CCDC9: variants seen among roughly 807,000 people sequenced by gnomAD.
The protein encoded by CCDC9 is coiled-coil domain containing 9.
CCDC9 carries 52 observed loss-of-function variants against 65.6 expected under a neutral mutation model. That is an observed-to-expected ratio of 0.79 (90% CI 0.63 to 1.00). The LOEUF is 1.00. CCDC9 is among the 50% of genes least tolerant of loss of function. The pLI, the probability that CCDC9 is intolerant of heterozygous loss-of-function variation, is 0.00. For missense variants in CCDC9, 834 were observed against 757.2 expected, an observed-to-expected ratio of 1.10 and a Z score of -1.19; for synonymous variants, 332 against 280.3, an observed-to-expected ratio of 1.18 and a Z score of -1.84.
In CCDC9 at chr19:47,271,689, C is replaced by CTGTGTGTG. The variant is rs746173971; in HGVS notation, c.*48_*55dup. ...TTTGAGAGTGTATGAAGCTGGCTGC[C>CTGTGTGTG]TGTGTGTGTGTGTGTGTGTGTGTGT... is the stretch of plus-strand genomic sequence containing the variant. On this transcript the variant is annotated 3_prime_UTR_variant, in exon 12 of 12. Coordinates refer to ENST00000221922, the MANE Select transcript of CCDC9 (RefSeq NM_015603.3). 1,533 of 1,125,342 alleles carry CTGTGTGTG rather than the reference C, an allele frequency of 1.4e-3. 13 individuals are homozygous for CTGTGTGTG. Among genetic ancestry groups the CTGTGTGTG allele is most frequent in the South Asian group, 2.0e-3 (136 of 67,816 alleles). 69.7% of individuals were successfully genotyped at this position (1,125,342 alleles called of 1,614,324 possible).
At chr19:47,270,850 T>C (rs2059112108) in intron 10 of CCDC9, among the ~76,000 whole-genome samples, 162 bp downstream of exon 10, 1 of 152,102 alleles carries the variant, frequency 6.6e-6, no homozygotes, top group Non-Finnish European at 1.5e-5. Context: ...GGGATCTGGC[T>C]CTTGGTTTTA....
intron 3 of CCDC9, 116 bp downstream of exon 3, chr19:47,258,779 C>T: frequency 2.7e-6 from 2 of 732,362 alleles, no homozygotes; most frequent in South Asian, 1.6e-5. Flanking sequence ...AGGATAAAGG[C>T]CAAAGGCCTT....
chr19:47,271,646 C>G lies in CCDC9; in HGVS notation c.1564C>G (p.Pro522Ala), dbSNP rs1255904211. 1 of 1,603,442 alleles carries G rather than the reference C, an allele frequency of 6.2e-7. No individual in the cohort carries two copies. Among genetic ancestry groups the G allele is most frequent in the South Asian group, 1.1e-5 (1 of 90,614 alleles). Residue 522 changes from proline to alanine, a missense_variant, in exon 12 of 12, where the codon CCG becomes GCG. Pro to Ala is a conservative substitution (Grantham distance 27). Transcript: ENST00000221922. ...RTTHLAGALSPGEAWPFESV is the reference protein window; with the variant it reads ...RTTHLAGALSAGEAWPFESV ...CACTCACCTGGCTGGCGCCCTCTCC[C>G]CGGGTGAGGCCTGGCCTTTTGAGAG...
chr19:47,259,520 G>A (rs1286141800), intron 3 of CCDC9, among the ~76,000 whole-genome samples: 1 of 152,154 alleles, frequency 6.6e-6, no homozygotes. Context: ...TTACTGATGG[G>A]CAGTTCAGGG....
chr19:47,257,856 G>T (rs913597805), intron 1 of CCDC9: 5 of 160,480 alleles, frequency 3.1e-5, no homozygotes, highest in African/African-American at 1.2e-4. Context: ...ACCTTACCTG[G>T]TGGAGCTAGA....
chr19:47,268,926 A>G (rs1292584062), intron 8 of CCDC9, among the ~76,000 whole-genome samples: 1 of 151,362 alleles, frequency 6.6e-6, no homozygotes, highest in African/African-American at 2.4e-5. Context: ...TCAAAAAATA[A>G]TAATAATAAT....
At chr19:47,268,954 G>C (rs1007773349) in intron 8 of CCDC9, among the ~76,000 whole-genome samples, 2 of 151,624 alleles carry the variant, frequency 1.3e-5, no homozygotes, top group African/African-American at 4.9e-5. Context: ...ATGTGTGTCT[G>C]GGCCAGGCGT....
intron 5 of CCDC9, among the ~76,000 whole-genome samples, chr19:47,262,204 TTCC>T (rs2059050531): frequency 7.0e-6 from 1 of 141,958 alleles, no homozygotes. Flanking sequence ...GGGACCCAGG[TTCC>T]TGCTTTTTTT....
Position 47,258,619 on chromosome 19 carries a change from G to C in CCDC9, c.64G>C (p.Glu22Gln), listed in dbSNP as rs1411080671. 2 of 1,614,044 alleles carry C rather than the reference G, an allele frequency of 1.2e-6. No individual in the cohort carries two copies. Among genetic ancestry groups the C allele is most frequent in the Non-Finnish European group, 1.7e-6 (2 of 1,180,024 alleles). Residue 22 changes from glutamate (E) to glutamine (Q), a missense_variant, in exon 3 of 12, where the codon GAG becomes CAG. Glu to Gln is a conservative substitution (Grantham distance 29). Transcript: ENST00000221922. ...GGATGCTGAGTTGGACAAGAGGATC[G>C]AGGCTCTTCGGCGGAAGAATGAGGC... ...EKDAELDKRI[E>Q]ALRRKNEALI...
Position 47,260,609 on chromosome 19 carries a change from C to G in CCDC9, c.232C>G (p.Arg78Gly). ...VESEKNLGPSRRSPGTPRPPG... is the reference protein window; with the variant it reads ...VESEKNLGPSGRSPGTPRPPG... ...CCAGGAGAAGAACCTGGGTCCTTCCCGGAGGTCTCCTGGGACCCCTCGGCC... is the reference window on the plus strand; with the variant it reads ...CCAGGAGAAGAACCTGGGTCCTTCCGGGAGGTCTCCTGGGACCCCTCGGCC... Residue 78 changes from arginine to glycine, a missense_variant, in exon 5 of 12, where the codon CGG becomes GGG. Transcript: ENST00000221922. 6.5e-7 allele frequency: 1 copy of G among 1,527,030 alleles called. No individual in the cohort carries two copies. The highest frequency in any genetic ancestry group is 1.3e-5 in the South Asian group (1 of 77,720). The allele number at this position is 1,527,030 out of a possible 1,614,324, so 94.6% of individuals were successfully genotyped here.
downstream of CCDC9, chr19:47,273,726 A>C: frequency 2.8e-6 from 1 of 360,120 alleles, no homozygotes. Flanking sequence ...TTCAGGCCGA[A>C]TCTCCCGCCT....
rs1039288112 is a variant in CCDC9 at position 47,256,538 on chromosome 19, C to T, written c.-143C>T. ...CGTGGTGCAGGCAGGAAGTGACGCG[C>T]CTGGCCCGGGAGCTGCGGTCGCAGA... On this transcript the variant is annotated 5_prime_UTR_variant, in exon 1 of 12. Coordinates refer to ENST00000221922, the MANE Select transcript of CCDC9 (RefSeq NM_015603.3). The T allele has an allele frequency of 3.3e-5, 5 of 152,470 alleles. No homozygotes were observed. The highest frequency in any genetic ancestry group is 1.2e-4 in the African/African-American group (5 of 41,454). The allele number at this position is 152,470 out of a possible 1,614,324, so 9.4% of individuals were successfully genotyped here. A position where few individuals can be genotyped will look rare whatever the true frequency, so the allele number is the denominator to read the frequency against.
Position 47,260,769 on chromosome 19 carries a change from G to C in CCDC9, c.392G>C (p.Arg131Thr), listed in dbSNP as rs2123447551. The C allele has an allele frequency of 6.2e-7, 1 of 1,610,550 alleles. No individual in the cohort carries two copies. Among genetic ancestry groups the C allele is most frequent in the East Asian group, 2.2e-5 (1 of 44,768 alleles). Reference protein sequence around the residue: ...RGGGAGGRGRRGRGRGSPHLS... With the variant: ...RGGGAGGRGRTGRGRGSPHLS... ...GGAGGAGCTGGGGGCCGTGGCCGGAGGGGCCGGGGCCGAGGTTCACCTCAC... is the reference window on the plus strand; with the variant it reads ...GGAGGAGCTGGGGGCCGTGGCCGGACGGGCCGGGGCCGAGGTTCACCTCAC... The change falls in exon 5 of 12, where the codon AGG becomes ACG. Residue 131 changes from arginine to threonine, a missense_variant. Coordinates refer to ENST00000221922, the MANE Select transcript of CCDC9 (RefSeq NM_015603.3).
At chr19:47,265,736 G>A (rs1326238741) in intron 7 of CCDC9, among the ~76,000 whole-genome samples, 3 of 150,290 alleles carry the variant, frequency 2.0e-5, no homozygotes, top group East Asian at 3.9e-4. Context: ...CGCCCAGGCT[G>A]GAGTGCAGTG....
intron 3 of CCDC9, 62 bp from the exon 4 acceptor site, chr19:47,260,259 C>T: frequency 8.1e-7 from 1 of 1,238,984 alleles, no homozygotes; most frequent in Non-Finnish European, 1.2e-6. Flanking sequence ...GTTCAGGGGT[C>T]TGGGAGTCCG....
intron 3 of CCDC9, among the ~76,000 whole-genome samples, chr19:47,259,024 G>A (rs1184210734): frequency 6.6e-6 from 1 of 152,230 alleles, no homozygotes; most frequent in Admixed American, 6.5e-5. Flanking sequence ...GGGTCTGTGG[G>A]AGTCCAGAGG....
At chr19:47,260,919 A>G (rs2059041125) in intron 5 of CCDC9, 80 bp downstream of exon 5, 12 of 1,493,606 alleles carry the variant, frequency 8.0e-6, no homozygotes, top group Admixed American at 2.1e-5. Flanking sequence ...TCAGATGCAC[A>G]TTTGTCCTGT....
chr19:47,272,475 G>A (rs1037547272), downstream of CCDC9, among the ~76,000 whole-genome samples: 1 of 152,044 alleles, frequency 6.6e-6, no homozygotes, highest in African/African-American at 2.4e-5. Flanking sequence ...AGAGTAATGG[G>A]GTGTGGATCG....
chr19:47,271,095 C>T lies in CCDC9; in HGVS notation c.1099C>T (p.Arg367Cys), dbSNP rs368896025. Residue 367 changes from arginine (R) to cysteine (C), a missense_variant, in exon 11 of 12, where the codon CGC (arginine) becomes TGC (cysteine). Transcript: ENST00000221922. ...TGTTCCCTCTAGTGACCATGATGAC[C>T]GCTGGGAGACAAAAGAAGGGGCAGC... ...APRAYSDHDD[R>C]WETKEGAASP... 58 of 1,554,556 alleles carry T rather than the reference C, an allele frequency of 3.7e-5. No individual in the cohort carries two copies. The highest frequency in any genetic ancestry group is 1.1e-4 in the African/African-American group (8 of 72,790).
Sources: allele counts gnomAD v4.1 joint callset (sites outside exome capture counted in the v4.1 genomes callset), GRCh38; gene constraint gnomAD v4.1.1; transcripts MANE v1.5; gene names NCBI Gene and HGNC (gene_info 2026-07-23, HGNC 2026-07-21).